CDH18: variants seen among roughly 807,000 people sequenced by gnomAD.
CDH18 encodes the protein cadherin-18.
CDH18 carries 31 observed loss-of-function variants against 67.9 expected under a neutral mutation model. That is an observed-to-expected ratio of 0.46 (90% CI 0.34 to 0.62). The LOEUF (loss-of-function observed/expected upper bound fraction) is 0.62. CDH18 is among the 20% of genes least tolerant of loss of function. CDH18 has a pLI of 0.01. For missense variants in CDH18, 890 were observed against 975.5 expected (o/e 0.91, Z 1.17); for synonymous variants, 362 against 347.2 (o/e 1.04, Z -0.48).
At chr5:20,384,516 G>T (rs746821162) in intron 1 of CDH18, among the ~76,000 whole-genome samples, 1 of 151,964 alleles carries the variant, frequency 6.6e-6, no homozygotes, top group Admixed American at 6.6e-5. Flanking sequence ...ATTTCATCTC[G>T]TGTCTTTGTG....
At chr5:19,817,537 C>T (rs1444464592) in intron 3 of CDH18, among the ~76,000 whole-genome samples, 1 of 151,850 alleles carries the variant, frequency 6.6e-6, no homozygotes, top group African/African-American at 2.4e-5. Context: ...TAGAGACTTC[C>T]AAAAACTCAT....
intron 4 of CDH18, among the ~76,000 whole-genome samples, chr5:19,740,769 G>A (rs1158371294): frequency 1.3e-5 from 2 of 151,952 alleles, no homozygotes; most frequent in African/African-American, 4.8e-5. Context: ...TTTGTATTGT[G>A]ATAAACACAT....
intron 2 of CDH18, among the ~76,000 whole-genome samples, chr5:19,938,097 T>C (rs1309332231): frequency 1.3e-5 from 2 of 149,530 alleles, no homozygotes; most frequent in Non-Finnish European, 3.0e-5. Context: ...TTTTGGGAGA[T>C]GGTGTTTAAA....
intron 11 of CDH18, among the ~76,000 whole-genome samples, chr5:19,494,380 C>T (rs990140183): frequency 2.0e-5 from 3 of 152,102 alleles, no homozygotes; most frequent in Non-Finnish European, 4.4e-5. Flanking sequence ...AAACAGAGAT[C>T]CCGTAAACAT....
At chr5:20,078,345 C>T (rs1744133336) in intron 2 of CDH18, among the ~76,000 whole-genome samples, 1 of 151,850 alleles carries the variant, frequency 6.6e-6, no homozygotes, top group Non-Finnish European at 1.5e-5. Context: ...TGCCTGTAGT[C>T]CCAGCTACTT....
intron 1 of CDH18, among the ~76,000 whole-genome samples, chr5:20,505,010 A>G (rs1345802333): frequency 6.6e-6 from 1 of 151,996 alleles, no homozygotes; most frequent in East Asian, 1.9e-4. Flanking sequence ...CTCGTGATCC[A>G]GCCGCTTCGG....
chr5:19,834,379 T>C (rs1299199945), intron 3 of CDH18, among the ~76,000 whole-genome samples: 1 of 152,100 alleles, frequency 6.6e-6, no homozygotes, highest in East Asian at 1.9e-4. Flanking sequence ...ATATCTCCTT[T>C]ATCATTTTTT....
At chr5:20,113,869 T>C (rs1240427352) in intron 2 of CDH18, among the ~76,000 whole-genome samples, 2 of 152,150 alleles carry the variant, frequency 1.3e-5, no homozygotes, top group East Asian at 1.9e-4. Context: ...ATGAGCTTTA[T>C]GAAAAAAATT....
chr5:20,167,637 A>G (rs905625971), intron 2 of CDH18, among the ~76,000 whole-genome samples: 1 of 152,168 alleles, frequency 6.6e-6, no homozygotes, highest in Non-Finnish European at 1.5e-5. Context: ...ATTAGAAGAG[A>G]GTGCATTTAC....
chr5:20,406,670 A>C (rs555400453), intron 1 of CDH18, among the ~76,000 whole-genome samples: 1 of 152,322 alleles, frequency 6.6e-6, no homozygotes, highest in East Asian at 1.9e-4. Flanking sequence ...AAAAGGGAGC[A>C]CTATTAATGT....
intron 2 of CDH18, among the ~76,000 whole-genome samples, chr5:19,900,216 G>C (rs1041942827): frequency 6.6e-6 from 1 of 152,090 alleles, no homozygotes; most frequent in Non-Finnish European, 1.5e-5. Context: ...GAGAGTAGAA[G>C]AGTGATTACC....
At chr5:20,214,151 C>T (rs987577673) in intron 2 of CDH18, among the ~76,000 whole-genome samples, 4 of 151,926 alleles carry the variant, frequency 2.6e-5, no homozygotes, top group Middle Eastern at 6.8e-3. Context: ...AAGATCTCCA[C>T]AAGGGGAACT....
At chr5:20,264,353 A>AT (rs1744877463) in intron 1 of CDH18, among the ~76,000 whole-genome samples, 1 of 152,156 alleles carries the variant, frequency 6.6e-6, no homozygotes, top group African/African-American at 2.4e-5. Context: ...AAATGTAAAT[A>AT]TTAGCATAAT....
At chr5:20,280,197 A>AT (rs889754909) in intron 1 of CDH18, among the ~76,000 whole-genome samples, 1 of 151,310 alleles carries the variant, frequency 6.6e-6, no homozygotes, top group Non-Finnish European at 1.5e-5. Context: ...TATTTTATTT[A>AT]TTTTTTTTCT....
At chr5:19,535,923 C>G (rs1408996909) in intron 9 of CDH18, among the ~76,000 whole-genome samples, 1 of 151,930 alleles carries the variant, frequency 6.6e-6, no homozygotes, top group Non-Finnish European at 1.5e-5. Flanking sequence ...CTGACCAGGT[C>G]AAAGAAATTT....
intron 1 of CDH18, among the ~76,000 whole-genome samples, chr5:20,271,885 G>A (rs936958482): frequency 6.6e-6 from 1 of 151,350 alleles, no homozygotes; most frequent in Admixed American, 6.6e-5. Flanking sequence ...AATATTTAGA[G>A]AGGAAGTTTT....
At chr5:19,851,322 T>C (rs1230730680) in intron 2 of CDH18, among the ~76,000 whole-genome samples, 2 of 151,160 alleles carry the variant, frequency 1.3e-5, no homozygotes, top group Non-Finnish European at 3.0e-5. Context: ...AAAATATTTA[T>C]TATTATGTTT....
chr5:19,883,159 G>T (rs1787841017), intron 2 of CDH18, among the ~76,000 whole-genome samples: 1 of 152,160 alleles, frequency 6.6e-6, no homozygotes, highest in Admixed American at 6.6e-5. Flanking sequence ...CAAAATCTGT[G>T]GGCATTGGCT....
At chr5:20,176,398 A>G (rs2126668496) in intron 2 of CDH18, among the ~76,000 whole-genome samples, 1 of 152,278 alleles carries the variant, frequency 6.6e-6, no homozygotes, top group East Asian at 1.9e-4. Flanking sequence ...AACCCTTGCC[A>G]TTTCTCACTG....
Sources: allele counts gnomAD v4.1 joint callset (sites outside exome capture counted in the v4.1 genomes callset), GRCh38; gene constraint gnomAD v4.1.1; transcripts MANE v1.5; gene names NCBI Gene and HGNC (gene_info 2026-07-23, HGNC 2026-07-21).